Variants in TMEM117 observed in about 807,000 individuals in gnomAD.
The protein encoded by TMEM117 is transmembrane protein 117.
TMEM117 carries 27 observed loss-of-function variants against 52.4 expected under a neutral mutation model. The observed-to-expected ratio is 0.51, with a 90% CI of 0.38 to 0.71. The LOEUF is 0.71. Among genes scored for constraint, TMEM117 ranks in the 30% least tolerant of loss-of-function variants. TMEM117 has a pLI of 0.00. For missense variants in TMEM117, 556 were observed against 630.5 expected (o/e 0.88, Z 1.26); for synonymous variants, 215 against 206.3 (o/e 1.04, Z -0.36).
intron 5 of TMEM117, among the ~76,000 whole-genome samples, chr12:44,214,073 A>AT (rs1487848175): frequency 4.2e-5 from 6 of 144,542 alleles, no homozygotes; most frequent in East Asian, 2.1e-4. Flanking sequence ...CATTAATATG[A>AT]TTTTTTCTTT....
At chr12:44,059,637 C>A (rs1187568632) in intron 3 of TMEM117, among the ~76,000 whole-genome samples, 2 of 152,144 alleles carry the variant, frequency 1.3e-5, no homozygotes, top group African/African-American at 4.8e-5. Context: ...ATTTTGTCAG[C>A]AAATCTCTCT....
chr12:44,110,353 A>G (rs1477256200), intron 3 of TMEM117, among the ~76,000 whole-genome samples: 1 of 117,358 alleles, frequency 8.5e-6, no homozygotes, highest in Non-Finnish European at 1.7e-5. Context: ...TGTCATAGAT[A>G]GCTCTTATTA....
chr12:43,986,622 A>G (rs1012671170), intron 3 of TMEM117, among the ~76,000 whole-genome samples: 2 of 152,174 alleles, frequency 1.3e-5, no homozygotes, highest in Admixed American at 6.6e-5. Flanking sequence ...TAGAATCAAT[A>G]TCTTTCAGAC....
At chr12:44,191,354 T>G (rs1949350615) in intron 4 of TMEM117, among the ~76,000 whole-genome samples, 1 of 148,430 alleles carries the variant, frequency 6.7e-6, no homozygotes, top group Non-Finnish European at 1.5e-5. Context: ...TGTCTATCTA[T>G]CTATCTGTCT....
chr12:44,129,276 C>G (rs1948376529), intron 3 of TMEM117, among the ~76,000 whole-genome samples: 1 of 152,222 alleles, frequency 6.6e-6, no homozygotes, highest in South Asian at 2.1e-4. Flanking sequence ...AGCAGTGTGG[C>G]CATCCACTTT....
intron 6 of TMEM117, among the ~76,000 whole-genome samples, chr12:44,341,842 T>C (rs1315091496): frequency 6.6e-6 from 1 of 152,092 alleles, no homozygotes; most frequent in Non-Finnish European, 1.5e-5. Flanking sequence ...TCAGAGAATA[T>C]GTTAAAGGAA....
chr12:44,030,631 T>G (rs973542286), intron 3 of TMEM117, among the ~76,000 whole-genome samples: 5 of 152,228 alleles, frequency 3.3e-5, no homozygotes, highest in Non-Finnish European at 5.9e-5. Context: ...ATTAAAGGGT[T>G]AAAGGATTGT....
At position 44,206,152 on chromosome 12, in the gene TMEM117, G is replaced by C. The variant is rs185939853; in HGVS notation, c.511-5138G>C. ...TTATACTTTAAGTTCTAGGGTACATGTGCACAACGTTAGATTAGCTAAAAG... is the reference window on the plus strand; with the variant it reads ...TTATACTTTAAGTTCTAGGGTACATCTGCACAACGTTAGATTAGCTAAAAG... On this transcript the variant is annotated intron_variant, in intron 4 of 7. Transcript: ENST00000266534. 1.5e-3 allele frequency among the ~76,000 whole-genome samples: 225 copies of C among 152,238 alleles called. 2 individuals are homozygous for C. Among genetic ancestry groups the C allele is most frequent in the African/African-American group, 5.1e-3 (212 of 41,544 alleles).
chr12:43,937,735 C>CTT (rs143892123), intron 2 of TMEM117, among the ~76,000 whole-genome samples: 1 of 151,056 alleles, frequency 6.6e-6, no homozygotes, highest in African/African-American at 2.4e-5. Context: ...TTTGTATAGC[C>CTT]TTTTTTTTTA....
chr12:44,100,372 A>G (rs1263141467), intron 3 of TMEM117, among the ~76,000 whole-genome samples: 1 of 152,032 alleles, frequency 6.6e-6, no homozygotes, highest in Non-Finnish European at 1.5e-5. Flanking sequence ...AGTTTGGAAT[A>G]TATATAGATA....
At chr12:44,153,805 TTTAG>T (rs766003551) in intron 4 of TMEM117, among the ~76,000 whole-genome samples, 3 of 152,166 alleles carry the variant, frequency 2.0e-5, no homozygotes, top group Admixed American at 1.3e-4. Flanking sequence ...TTTAACCATA[TTTAG>T]TTAAACATCA....
At position 44,050,981 on chromosome 12, in the gene TMEM117, C is replaced by T. The variant is rs971396640; in HGVS notation, c.411-92544C>T. The stretch of plus-strand genomic sequence containing the variant: ...CCTTCTAAATGAAAATTTATTATTT[C>T]ATTATTCCTAAGACTTCATTTATTA... On this transcript the variant is annotated intron_variant, in intron 3 of 7. Transcript: ENST00000266534. Among the ~76,000 whole-genome samples, 6 of 152,152 alleles carry T rather than the reference C, an allele frequency of 3.9e-5. No individual in the cohort carries two copies. In the East Asian group the frequency reaches 5.8e-4, roughly 15 times the overall value.
intron 4 of TMEM117, among the ~76,000 whole-genome samples, chr12:44,146,831 G>A (rs529311037): frequency 6.6e-6 from 1 of 152,248 alleles, no homozygotes; most frequent in African/African-American, 2.4e-5. Flanking sequence ...AACAATCAAA[G>A]TGTGTCTTTT....
At chr12:44,363,050 G>A (rs1261766131) in intron 6 of TMEM117, among the ~76,000 whole-genome samples, 4 of 151,938 alleles carry the variant, frequency 2.6e-5, no homozygotes, top group African/African-American at 7.3e-5. Context: ...CGAAACAATG[G>A]TTAGACCAAG....
chr12:44,134,212 G>T (rs1479813193), intron 3 of TMEM117, among the ~76,000 whole-genome samples: 1 of 152,068 alleles, frequency 6.6e-6, no homozygotes, highest in Non-Finnish European at 1.5e-5. Flanking sequence ...GTCTTTTGGG[G>T]TTTTTGTTTT....
intron 5 of TMEM117, among the ~76,000 whole-genome samples, chr12:44,273,955 T>C (rs1280258186): frequency 6.6e-6 from 1 of 152,114 alleles, no homozygotes. Context: ...AACATAGTAC[T>C]GGAAGTCCGA....
intron 4 of TMEM117, among the ~76,000 whole-genome samples, chr12:44,184,583 G>A (rs1949250826): frequency 6.6e-6 from 1 of 152,098 alleles, no homozygotes; most frequent in Admixed American, 6.6e-5. Context: ...GCCTCTAGAA[G>A]CAGAGAAAAA....
Position 44,120,536 on chromosome 12 carries a change from C to A in TMEM117, c.411-22989C>A, listed in dbSNP as rs1483143069. On this transcript the variant is annotated intron_variant, in intron 3 of 7. Coordinates refer to ENST00000266534, the MANE Select transcript of TMEM117 (RefSeq NM_032256.3). Reference sequence around the variant, plus strand: ...GTAAAAAGCTAGCCATGTATGTAACCAGAGGGCCTGCTTTTCAGTTCAGGA... The same window carrying A: ...GTAAAAAGCTAGCCATGTATGTAACAAGAGGGCCTGCTTTTCAGTTCAGGA... Among the ~76,000 whole-genome samples, 4 of 152,260 alleles carry A rather than the reference C, an allele frequency of 2.6e-5. 1 individual carries two copies. In the East Asian group the frequency reaches 7.7e-4, roughly 29 times the overall value.
intron 5 of TMEM117, among the ~76,000 whole-genome samples, chr12:44,226,658 A>G (rs773753044): frequency 2.6e-5 from 4 of 152,228 alleles, no homozygotes; most frequent in Admixed American, 6.5e-5. Flanking sequence ...AAATGAAGCC[A>G]TTAGAGTGGG....
Sources: gnomAD v4.1 joint callset for allele counts (sites outside exome capture counted in the v4.1 genomes callset) on GRCh38, gnomAD v4.1.1 for gene constraint, MANE v1.5 for transcripts, NCBI Gene and HGNC (gene_info 2026-07-23, HGNC 2026-07-21) for gene names.